PAPSS1: variants seen among roughly 807,000 people sequenced by gnomAD.
The protein encoded by PAPSS1 is 3'-phosphoadenosine 5'-phosphosulfate synthase 1.
PAPSS1 carries 50 observed loss-of-function variants against 72.0 expected under a neutral mutation model. The ratio of observed to expected loss-of-function variants is 0.69; its 90% CI spans 0.55 to 0.88. The LOEUF (loss-of-function observed/expected upper bound fraction) is 0.88. Ranked by LOEUF, PAPSS1 falls within the 40% of genes least tolerant of loss-of-function variation. PAPSS1 has a pLI of 0.00. For missense variants in PAPSS1, 657 were observed against 782.2 expected (o/e 0.84, Z 1.91); for synonymous variants, 261 against 263.6 (o/e 0.99, Z 0.09).
intron 1 of PAPSS1, among the ~76,000 whole-genome samples, chr4:107,702,497 C>A (rs1043743460): frequency 2.0e-5 from 3 of 152,150 alleles, no homozygotes; most frequent in African/African-American, 7.2e-5. Context: ...TCCAACCATC[C>A]TCCTCGACCC....
intron 5 of PAPSS1, among the ~76,000 whole-genome samples, chr4:107,677,971 G>A (rs1578416206): frequency 6.6e-6 from 1 of 152,112 alleles, no homozygotes; most frequent in South Asian, 2.1e-4. Flanking sequence ...TCACTCATAG[G>A]TGGGAATTGA....
intron 2 of PAPSS1, among the ~76,000 whole-genome samples, chr4:107,698,470 A>T (rs1430964726): frequency 2.0e-5 from 3 of 152,198 alleles, no homozygotes; most frequent in African/African-American, 7.2e-5. Flanking sequence ...CTTGAAAGTC[A>T]CCACCACATC....
chr4:107,705,642 A>T (rs796252501), intron 1 of PAPSS1, among the ~76,000 whole-genome samples: 17 of 152,254 alleles, frequency 1.1e-4, no homozygotes, highest in African/African-American at 3.6e-4. Flanking sequence ...CAGTGAAGAC[A>T]TCCCTTAACA....
At chr4:107,719,430 C>A (rs1441472497) in intron 1 of PAPSS1, among the ~76,000 whole-genome samples, 1 of 152,162 alleles carries the variant, frequency 6.6e-6, no homozygotes, top group African/African-American at 2.4e-5. Context: ...ACAAAGTCAA[C>A]TGGCAGTCAT....
chr4:107,654,839 CCT>C lies in PAPSS1; in HGVS notation c.955_956del (p.Arg319AlafsTer12). On this transcript the variant is annotated frameshift_variant, in exon 8 of 12. Transcript: ENST00000265174. LOFTEE classifies it high-confidence loss of function. ...GAGCAAATGCTGTACAGCCGTCCAG[CCT>C]CTCTTTATCTTCATGAGTCGCAGTC... is the stretch of plus-strand genomic sequence containing the variant. The part of the protein sequence containing the change: ...VLTATHEDKE[R>X]LDGCTAFALM... The C allele has an allele frequency of 6.2e-7, 1 of 1,614,008 alleles. No individual in the cohort carries two copies. Among genetic ancestry groups the C allele is most frequent in the Non-Finnish European group, 8.5e-7 (1 of 1,179,944 alleles).
intron 3 of PAPSS1, among the ~76,000 whole-genome samples, chr4:107,689,974 T>C (rs966058834): frequency 3.9e-5 from 6 of 152,144 alleles, no homozygotes; most frequent in Non-Finnish European, 8.8e-5. Flanking sequence ...GTCTTACTGA[T>C]GCTACTCAAG....
intron 5 of PAPSS1, among the ~76,000 whole-genome samples, chr4:107,676,582 T>A (rs1386625393): frequency 6.6e-6 from 1 of 152,140 alleles, no homozygotes; most frequent in Non-Finnish European, 1.5e-5. Context: ...GTAGGAAGAA[T>A]CAATATCATG....
chr4:107,626,181 A>AC (rs2110298977), intron 11 of PAPSS1, among the ~76,000 whole-genome samples: 1 of 151,544 alleles, frequency 6.6e-6, no homozygotes, highest in East Asian at 1.9e-4. Flanking sequence ...CTGTCTCAAA[A>AC]AAAAAAAAAA....
intron 11 of PAPSS1, among the ~76,000 whole-genome samples, chr4:107,629,196 G>C (rs1033773140): frequency 6.6e-6 from 1 of 152,118 alleles, no homozygotes; most frequent in Non-Finnish European, 1.5e-5. Context: ...ACTGAAGCAA[G>C]AACAAACATC....
Position 107,687,052 on chromosome 4 carries a change from T to C in PAPSS1, c.537A>G (p.Ala179=). The C allele has an allele frequency of 3.1e-6, 5 of 1,598,698 alleles. No individual in the cohort carries two copies. ...AATATTACTGACCTTTAATTTCTCCTGCCCGGGCTTTTTTGTAGAGTCCTT... is the reference window on the plus strand; with the variant it reads ...AATATTACTGACCTTTAATTTCTCCCGCCCGGGCTTTTTTGTAGAGTCCTT... The part of the protein sequence containing the change: ...DVKGLYKKAR[A]GEIKGFTGID... Residue 179 remains alanine, a synonymous_variant, in exon 4 of 12, where the codon GCA becomes GCG. Transcript: ENST00000265174.
chr4:107,617,411 C>G (rs1445726557), intron 11 of PAPSS1, among the ~76,000 whole-genome samples: 1 of 152,020 alleles, frequency 6.6e-6, no homozygotes, highest in Non-Finnish European at 1.5e-5. Flanking sequence ...ATGTTCCACT[C>G]CCCTTTGAAA....
intron 11 of PAPSS1, among the ~76,000 whole-genome samples, chr4:107,630,849 C>T (rs1436578445): frequency 1.3e-5 from 2 of 152,150 alleles, no homozygotes; most frequent in Non-Finnish European, 1.5e-5. Context: ...ACAGCACCTA[C>T]TTTAGAGATT....
chr4:107,679,380 C>T (rs932963021), intron 5 of PAPSS1, among the ~76,000 whole-genome samples: 1 of 152,126 alleles, frequency 6.6e-6, no homozygotes, highest in Non-Finnish European at 1.5e-5. Flanking sequence ...CCCACCACTA[C>T]AGAAATTTGA....
At chr4:107,667,501 G>A (rs1578408855) in intron 5 of PAPSS1, among the ~76,000 whole-genome samples, 2 of 152,234 alleles carry the variant, frequency 1.3e-5, no homozygotes, top group East Asian at 3.9e-4. Flanking sequence ...ACAGGGCAGT[G>A]TATAGGAGTG....
intron 11 of PAPSS1, among the ~76,000 whole-genome samples, chr4:107,626,316 C>G (rs770508043): frequency 2.6e-5 from 4 of 152,164 alleles, no homozygotes; most frequent in African/African-American, 7.2e-5. Context: ...CACTCTCACT[C>G]GTGTGTACTG....
chr4:107,640,249 A>G (rs1185866063), intron 10 of PAPSS1, among the ~76,000 whole-genome samples: 1 of 152,168 alleles, frequency 6.6e-6, no homozygotes, highest in Non-Finnish European at 1.5e-5. Flanking sequence ...AGCATTAGAA[A>G]GTTAACACTC....
chr4:107,617,053 C>A lies in PAPSS1; in HGVS notation c.1737-2666G>T, dbSNP rs797014839. Among the ~76,000 whole-genome samples the A allele has an allele frequency of 3.9e-5, 6 of 152,156 alleles. 1 individual carries two copies. The highest frequency in any genetic ancestry group is 1.4e-4 in the African/African-American group (6 of 41,530). ...GTCTAGCTATGAGCTTGTGGGCTAT[C>A]CACTCACTAGGGTGGGCTCTAGAAC... On this transcript the variant is annotated intron_variant, in intron 11 of 11. Coordinates refer to ENST00000265174, the MANE Select transcript of PAPSS1 (RefSeq NM_005443.5).
intron 1 of PAPSS1, among the ~76,000 whole-genome samples, chr4:107,701,837 A>C (rs4956130): frequency 0.52 from 78,371 of 151,938 alleles, 21,119 homozygotes; most frequent in South Asian, 0.65. Flanking sequence ...ATAATCAAGA[A>C]ATGCTAAGAA....
chr4:107,688,397 A>G (rs1452717286), intron 3 of PAPSS1, among the ~76,000 whole-genome samples: 5 of 152,156 alleles, frequency 3.3e-5, no homozygotes. Flanking sequence ...ACACACTACA[A>G]TTGTGCCTGT....
Sources: allele counts gnomAD v4.1 joint callset (sites outside exome capture counted in the v4.1 genomes callset), GRCh38; gene constraint gnomAD v4.1.1; transcripts MANE v1.5; gene names NCBI Gene and HGNC (gene_info 2026-07-23, HGNC 2026-07-21).